Variants in GLI2 observed in about 807,000 individuals in gnomAD.
The protein encoded by GLI2 is transcription activator GLI2.
Under a neutral mutation model 78.9 loss-of-function variants are expected in GLI2, and 22 were observed. The observed-to-expected ratio is 0.28, with a 90% confidence interval of 0.20 to 0.40. The LOEUF (loss-of-function observed/expected upper bound fraction) is 0.40, where lower values mean the gene tolerates loss of function less well. Among genes scored for constraint, GLI2 ranks in the 10% least tolerant of loss-of-function variants. The pLI is 1.00. For synonymous variants in GLI2, 974 were observed against 963.7 expected, an observed-to-expected ratio of 1.01 and a Z score of -0.20; for missense variants, 2,097 against 2,213.2, an observed-to-expected ratio of 0.95 and a Z score of 1.05.
At position 120,989,877 on chromosome 2, in the gene GLI2, C is replaced by T. The variant is rs576163681; in HGVS notation, c.3912C>T (p.Tyr1304=). ...CACCACCTCACCCAGTCCAGAGCTA[C>T]CCACAGCAGAGCCATCACCTGGCAG... is the stretch of plus-strand genomic sequence containing the variant. ...GVPPPHPVQS[Y]PQQSHHLAAS... Residue 1304 remains tyrosine (Y), a synonymous_variant, in exon 14 of 14, where the codon TAC becomes TAT. Coordinates refer to ENST00000361492, the MANE Select transcript of GLI2 (RefSeq NM_001374353.1). The T allele has an allele frequency of 6.2e-7, 1 of 1,613,088 alleles. No homozygotes were observed. The highest frequency in any genetic ancestry group is 1.1e-5 in the South Asian group (1 of 91,080).
rs869202442 is a variant in GLI2, at chr2:120,955,153, C to CT, written c.458-64dup. 4.0e-3 allele frequency: 592 copies of CT among 147,044 alleles called. 56 individuals carry two copies. Among genetic ancestry groups the CT allele is most frequent in the Non-Finnish European group, 5.6e-3 (366 of 65,688 alleles). The allele number at this position is 147,044 out of a possible 1,614,324, so 9.1% of individuals were successfully genotyped here. ...ACACCAGGTGTGCATTTCTCTCTGC[C>CT]TTTTTTTTTTTTTTTTTTTTTTTTT... On this transcript the variant is annotated intron_variant, in intron 4 of 13. Coordinates refer to ENST00000361492, the MANE Select transcript of GLI2 (RefSeq NM_001374353.1).
intron 2 of GLI2, among the ~76,000 whole-genome samples, chr2:120,886,822 G>A (rs1677436583): frequency 6.6e-6 from 1 of 152,314 alleles, no homozygotes. Context: ...GGTGGATGGC[G>A]GTGCCCTTGC....
chr2:120,740,672 T>C (rs1187294932), intron 1 of GLI2, among the ~76,000 whole-genome samples: 1 of 152,246 alleles, frequency 6.6e-6, no homozygotes, highest in East Asian at 1.9e-4. Context: ...CGCTTTTCCA[T>C]TCTCTGGCCT....
intron 10 of GLI2, 35 bp downstream of exon 10, chr2:120,978,618 CA>C (rs750625333): frequency 2.8e-4 from 456 of 1,609,508 alleles, no homozygotes; most frequent in Non-Finnish European, 3.6e-4. Flanking sequence ...GCCGCAGCAT[CA>C]AGACTGGCCT....
chr2:120,810,510 A>G (rs529008602), intron 2 of GLI2, among the ~76,000 whole-genome samples: 1 of 151,968 alleles, frequency 6.6e-6, no homozygotes, highest in Non-Finnish European at 1.5e-5. Context: ...TCCTGTCCTC[A>G]GGGAGGCCCA....
intron 1 of GLI2, among the ~76,000 whole-genome samples, chr2:120,757,738 C>T (rs2166897): frequency 8.5e-5 from 13 of 152,242 alleles, no homozygotes; most frequent in Admixed American, 1.3e-4. Context: ...TCTCCATCTC[C>T]TTAACTCAGG....
intron 2 of GLI2, among the ~76,000 whole-genome samples, chr2:120,803,867 T>C (rs1377790374): frequency 6.6e-6 from 1 of 152,176 alleles, no homozygotes; most frequent in African/African-American, 2.4e-5. Context: ...ATGAACAAGA[T>C]CCCTTGGAGT....
intron 2 of GLI2, among the ~76,000 whole-genome samples, chr2:120,907,549 G>A (rs554695145): frequency 6.6e-6 from 1 of 152,320 alleles, no homozygotes; most frequent in East Asian, 1.9e-4. Context: ...ATTCAGCCGG[G>A]CTGTGTAATG....
intron 2 of GLI2, among the ~76,000 whole-genome samples, chr2:120,870,725 A>T (rs1688384423): frequency 6.6e-6 from 1 of 152,056 alleles, no homozygotes; most frequent in Admixed American, 6.5e-5. Flanking sequence ...CTAGGGTGGG[A>T]CTGTGGTTGC....
chr2:120,951,091 G>C, intron 3 of GLI2, 152 bp from the exon 4 acceptor site: 1 of 713,814 alleles, frequency 1.4e-6, no homozygotes. Flanking sequence ...ATTCACAGAT[G>C]ACCAGGGGAA....
intron 1 of GLI2, among the ~76,000 whole-genome samples, chr2:120,793,616 C>T (rs941201657): frequency 3.3e-5 from 5 of 152,138 alleles, no homozygotes; most frequent in Admixed American, 6.5e-5. Context: ...TCTTCTTCTC[C>T]GGGAAGTGGT....
intron 2 of GLI2, among the ~76,000 whole-genome samples, chr2:120,811,797 C>G (rs1685253471): frequency 6.6e-6 from 1 of 152,120 alleles, no homozygotes; most frequent in Non-Finnish European, 1.5e-5. Flanking sequence ...AAATGAAATC[C>G]TGCTGGACAG....
intron 3 of GLI2, 35 bp downstream of exon 3, chr2:120,927,501 G>C: frequency 1.4e-6 from 2 of 1,396,686 alleles, no homozygotes; most frequent in Non-Finnish European, 2.0e-6. Context: ...CTCCTGGCGT[G>C]CAGTCACCTG....
chr2:120,839,288 A>C (rs1686756239), intron 2 of GLI2, among the ~76,000 whole-genome samples: 1 of 152,174 alleles, frequency 6.6e-6, no homozygotes, highest in Non-Finnish European at 1.5e-5. Context: ...GGAAAAACCC[A>C]AACTACCAAA....
intron 2 of GLI2, among the ~76,000 whole-genome samples, chr2:120,834,911 C>T (rs529260963): frequency 6.6e-6 from 1 of 152,068 alleles, no homozygotes; most frequent in Non-Finnish European, 1.5e-5. Flanking sequence ...AGGGGCTCTG[C>T]ACCCCATGTT....
At chr2:120,905,643 A>C (rs138369206) in intron 2 of GLI2, among the ~76,000 whole-genome samples, 1 of 152,152 alleles carries the variant, frequency 6.6e-6, no homozygotes, top group South Asian at 2.1e-4. Flanking sequence ...GCCTCTGCCC[A>C]CTGTCCAGTG....
chr2:120,832,582 C>T (rs1212078785), intron 2 of GLI2, among the ~76,000 whole-genome samples: 2 of 152,222 alleles, frequency 1.3e-5, no homozygotes, highest in Non-Finnish European at 2.9e-5. Flanking sequence ...ACCCCCAGCC[C>T]AGGGCTGAGC....
At chr2:120,978,716 A>G in intron 10 of GLI2, 133 bp downstream of exon 10, 1 of 988,984 alleles carries the variant, frequency 1.0e-6, no homozygotes, top group Non-Finnish European at 1.5e-6. Context: ...GCTCTGGGAC[A>G]GGAGCCTGTT....
At chr2:120,924,360 T>C (rs1382789808) in intron 2 of GLI2, among the ~76,000 whole-genome samples, 1 of 152,180 alleles carries the variant, frequency 6.6e-6, no homozygotes, top group Admixed American at 6.5e-5. Flanking sequence ...TCATTTAGGC[T>C]GGGTGGAGGG....
Sources: gnomAD v4.1 joint callset for allele counts (sites outside exome capture counted in the v4.1 genomes callset) on GRCh38, gnomAD v4.1.1 for gene constraint, MANE v1.5 for transcripts, NCBI Gene and HGNC (gene_info 2026-07-23, HGNC 2026-07-21) for gene names.